Variants in TMEM163 observed in about 807,000 individuals in gnomAD.
TMEM163 encodes the protein transmembrane protein 163.
A neutral mutation model predicts 29.3 loss-of-function variants in TMEM163; 17 were observed. That is an observed-to-expected ratio of 0.58 (90% confidence interval 0.40 to 0.87). The LOEUF is 0.87. Among genes scored for constraint, TMEM163 ranks in the 40% least tolerant of loss-of-function variants. The pLI, the probability that TMEM163 is intolerant of heterozygous loss-of-function variation, is 0.00. For synonymous variants in TMEM163, 157 were observed against 160.6 expected, an observed-to-expected ratio of 0.98 and a Z score of 0.17; for missense variants, 303 against 381.5, an observed-to-expected ratio of 0.79 and a Z score of 1.71.
chr2:134,646,421 A>T (rs1180712142), intron 2 of TMEM163, among the ~76,000 whole-genome samples: 1 of 151,262 alleles, frequency 6.6e-6, no homozygotes, highest in Admixed American at 6.6e-5. Context: ...GCTTCTTTTC[A>T]GCTTCAACCC....
intron 2 of TMEM163, among the ~76,000 whole-genome samples, chr2:134,583,018 G>A (rs907024053): frequency 1.3e-5 from 2 of 152,080 alleles, no homozygotes; most frequent in Non-Finnish European, 2.9e-5. Context: ...TATTTTAACA[G>A]GCATCTCTGT....
chr2:134,650,470 C>T, intron 2 of TMEM163, among the ~76,000 whole-genome samples: 1 of 145,548 alleles, frequency 6.9e-6, no homozygotes, highest in Non-Finnish European at 1.5e-5. Context: ...GAGAATCTGA[C>T]TTCTTCTTCT....
At chr2:134,718,434 T>G (rs1158550171) in intron 1 of TMEM163, among the ~76,000 whole-genome samples, 4 of 152,120 alleles carry the variant, frequency 2.6e-5, no homozygotes, top group Non-Finnish European at 5.9e-5. Flanking sequence ...TCCCGCAAAC[T>G]TTTCCCGTGG....
chr2:134,686,588 G>C (rs535796118), intron 2 of TMEM163, among the ~76,000 whole-genome samples: 1 of 152,172 alleles, frequency 6.6e-6, no homozygotes. Context: ...GGCCAAAAAG[G>C]AGGTAGAATC....
intron 2 of TMEM163, among the ~76,000 whole-genome samples, chr2:134,565,973 G>A (rs886313361): frequency 7.9e-5 from 12 of 152,316 alleles, no homozygotes; most frequent in Non-Finnish European, 1.8e-4. Context: ...GCATGAACAG[G>A]TCTTCTCAGG....
chr2:134,517,705 C>T (rs1006017672), intron 4 of TMEM163, among the ~76,000 whole-genome samples: 3 of 152,142 alleles, frequency 2.0e-5, no homozygotes, highest in Admixed American at 6.5e-5. Context: ...TTGACTTAAC[C>T]GCCAAGATCC....
rs146157241 is a variant in TMEM163 at position 134,673,173 on chromosome 2, C to T, written c.322+40027G>A. On this transcript the variant is annotated intron_variant, in intron 2 of 7. Coordinates refer to ENST00000281924, the MANE Select transcript of TMEM163 (RefSeq NM_030923.5). ...ACAAGGCCAGGTGGTAGAGGAACAC[C>T]TGGCAGCCTTCTACTAACCCCAGGA... is the stretch of plus-strand genomic sequence containing the variant. Among the ~76,000 whole-genome samples, 17 of 152,246 alleles carry T rather than the reference C, an allele frequency of 1.1e-4. 1 individual carries two copies. Among genetic ancestry groups the T allele is most frequent in the African/African-American group, 3.6e-4 (15 of 41,542 alleles).
intron 7 of TMEM163, 96 bp from the exon 8 acceptor site, chr2:134,456,872 C>G: frequency 7.7e-7 from 1 of 1,304,746 alleles, no homozygotes; most frequent in Non-Finnish European, 1.1e-6. Flanking sequence ...AGATAATTCA[C>G]ATACCATAAA....
At chr2:134,495,296 G>A (rs1679525590) in intron 5 of TMEM163, among the ~76,000 whole-genome samples, 1 of 152,198 alleles carries the variant, frequency 6.6e-6, no homozygotes, top group Non-Finnish European at 1.5e-5. Context: ...CAGAGTTAAG[G>A]TTGGCACTCC....
intron 2 of TMEM163, among the ~76,000 whole-genome samples, chr2:134,567,699 A>AAAT (rs1209955519): frequency 6.6e-6 from 1 of 152,164 alleles, no homozygotes; most frequent in Non-Finnish European, 1.5e-5. Flanking sequence ...CTCAAATAAT[A>AAAT]AATAATAATA....
intron 5 of TMEM163, among the ~76,000 whole-genome samples, chr2:134,473,208 G>A (rs1027499970): frequency 1.3e-5 from 2 of 152,096 alleles, no homozygotes; most frequent in Non-Finnish European, 2.9e-5. Context: ...CCAAAGTAAG[G>A]AGAAGGAAAG....
intron 5 of TMEM163, among the ~76,000 whole-genome samples, chr2:134,496,805 C>T (rs375027094): frequency 2.0e-5 from 3 of 149,558 alleles, no homozygotes; most frequent in Non-Finnish European, 3.0e-5. Flanking sequence ...GTCATTTTTC[C>T]TTTCTTCCTT....
At chr2:134,703,228 G>A (rs777299506) in intron 2 of TMEM163, among the ~76,000 whole-genome samples, 3 of 152,116 alleles carry the variant, frequency 2.0e-5, no homozygotes, top group African/African-American at 4.8e-5. Flanking sequence ...AAAAAGTGGG[G>A]AAGGAAGAGT....
intron 2 of TMEM163, among the ~76,000 whole-genome samples, chr2:134,576,752 C>T (rs1681563920): frequency 6.6e-6 from 1 of 152,182 alleles, no homozygotes. Flanking sequence ...ACAAACTTGG[C>T]ACCTTGCAGA....
At chr2:134,512,005 T>C (rs1679959740) in intron 4 of TMEM163, among the ~76,000 whole-genome samples, 2 of 152,220 alleles carry the variant, frequency 1.3e-5, no homozygotes. Context: ...AAGCTGATCA[T>C]GGTTTTTGTA....
chr2:134,640,314 C>G (rs186172846), intron 2 of TMEM163, among the ~76,000 whole-genome samples: 3 of 151,960 alleles, frequency 2.0e-5, no homozygotes, highest in African/African-American at 4.8e-5. Flanking sequence ...CGCCCAACCC[C>G]AGAAAAAAGA....
intron 2 of TMEM163, among the ~76,000 whole-genome samples, chr2:134,645,395 T>A (rs1335227058): frequency 6.6e-6 from 1 of 152,208 alleles, no homozygotes; most frequent in Non-Finnish European, 1.5e-5. Context: ...GTGGAATAGC[T>A]GCAACAGAGA....
At chr2:134,615,651 C>CTT (rs35159964) in intron 2 of TMEM163, among the ~76,000 whole-genome samples, 475 of 79,084 alleles carry the variant, frequency 6.0e-3, no homozygotes, top group Middle Eastern at 0.023. Flanking sequence ...AAGAGCAGAG[C>CTT]TTTTTTTTTT....
rs1226851614 is a variant in TMEM163 at position 134,718,103 on chromosome 2, T to C, written c.202+631A>G. ...GAGGTTGGTGGCCCAAATCCAAATG[T>C]CCCATTCCTCTGCCCCATCATGAGA... On this transcript the variant is annotated intron_variant, in intron 1 of 7. Transcript: ENST00000281924. 7.9e-5 allele frequency among the ~76,000 whole-genome samples: 12 copies of C among 152,280 alleles called. No individual in the cohort carries two copies. In the East Asian group the frequency reaches 1.7e-3, roughly 22 times the overall value.
Sources: allele counts gnomAD v4.1 joint callset (sites outside exome capture counted in the v4.1 genomes callset), GRCh38; gene constraint gnomAD v4.1.1; transcripts MANE v1.5; gene names NCBI Gene and HGNC (gene_info 2026-07-23, HGNC 2026-07-21).